Variants in DMPK observed in about 807,000 individuals in gnomAD.
The protein encoded by DMPK is DM1 protein kinase.
A neutral mutation model predicts 70.3 loss-of-function variants in DMPK; 32 were observed. The ratio of observed to expected loss-of-function variants is 0.46; its 90% CI spans 0.34 to 0.61. The LOEUF (loss-of-function observed/expected upper bound fraction) is 0.61, where lower values mean the gene tolerates loss of function less well. Among genes scored for constraint, DMPK ranks in the 20% least tolerant of loss-of-function variants. The probability of loss-of-function intolerance (pLI) is 0.01; values close to 1 mark genes in which losing one functional copy is unlikely to be tolerated. For synonymous variants in DMPK, 469 were observed against 390.9 expected (o/e 1.20, Z -2.36); for missense variants, 899 against 886.0 (o/e 1.01, Z -0.19).
chr19:45,780,278 A>G (rs1389473279), intron 1 of DMPK: 4 of 1,530,210 alleles, frequency 2.6e-6, no homozygotes, highest in Non-Finnish European at 3.5e-6. Context: ...GTTCTCATGT[A>G]GAATGTCCTG....
intron 9 of DMPK, among the ~76,000 whole-genome samples, chr19:45,774,262 CTTTTT>C (rs34551308): frequency 8.2e-6 from 1 of 122,090 alleles, no homozygotes; most frequent in Non-Finnish European, 1.7e-5. Context: ...TAAATAAATA[CTTTTT>C]TTTTTTTTTT....
rs1473174991 is a variant in DMPK at position 45,770,296 on chromosome 19, G to A, written c.*192C>T. The A allele has an allele frequency of 4.5e-6, 4 of 890,078 alleles. No homozygotes were observed. In the East Asian group the frequency reaches 8.1e-5, roughly 18 times the overall value. 55.1% of individuals were successfully genotyped at this position (890,078 alleles called of 1,614,324 possible). On this transcript the variant is annotated 3_prime_UTR_variant, in exon 15 of 15. Transcript: ENST00000291270. Reference sequence around the variant, plus strand: ...CGGCTACAAGGACCCTTCGAGCCCCGTTCGCCGGCCGCGGACCCGGCCCCT... The same window carrying A: ...CGGCTACAAGGACCCTTCGAGCCCCATTCGCCGGCCGCGGACCCGGCCCCT...
chr19:45,775,522 G>A (rs1969732397), intron 8 of DMPK, among the ~76,000 whole-genome samples: 1 of 95,268 alleles, frequency 1.0e-5, no homozygotes, highest in African/African-American at 3.6e-5. Context: ...GCCCAGTTCT[G>A]TTTTTTTTTT....
Position 45,782,460 on chromosome 19 carries a change from G to T in DMPK, c.-108C>A. The T allele has an allele frequency of 7.8e-7, 1 of 1,288,798 alleles. No individual in the cohort carries two copies. Among genetic ancestry groups the T allele is most frequent in the African/African-American group, 1.5e-5 (1 of 65,910 alleles). The allele number at this position is 1,288,798 out of a possible 1,614,324, so 79.8% of individuals were successfully genotyped here. A position where few individuals can be genotyped will look rare whatever the true frequency, so the allele number is the denominator to read the frequency against. On this transcript the variant is annotated 5_prime_UTR_variant, in exon 1 of 15. Coordinates refer to ENST00000291270, the MANE Select transcript of DMPK (RefSeq NM_004409.5). ...GCCCTGGAGCCCTGGCTGCATGTCT[G>T]CCTGTCCCTGGCTGTCCCCTGGGCC...
At chr19:45,772,881 G>A (rs1175333192) in intron 9 of DMPK, 129 bp from the exon 10 acceptor site, 1 of 518,974 alleles carries the variant, frequency 1.9e-6, no homozygotes, top group Non-Finnish European at 3.3e-6. Context: ...GGGAGCAGCA[G>A]AGCGAAGAGA....
chr19:45,774,236 G>A (rs1969646734), intron 9 of DMPK, among the ~76,000 whole-genome samples: 2 of 149,686 alleles, frequency 1.3e-5, no homozygotes, highest in African/African-American at 2.5e-5. Context: ...ACAGGCGTGA[G>A]CCACCACACC....
Position 45,772,626 on chromosome 19 carries a change from C to T in DMPK, c.1344+15G>A. The T allele has an allele frequency of 6.5e-7, 1 of 1,528,260 alleles. No individual in the cohort carries two copies. The highest frequency in any genetic ancestry group is 8.8e-7 in the Non-Finnish European group (1 of 1,135,790). 94.7% of individuals were successfully genotyped at this position (1,528,260 alleles called of 1,614,324 possible). On this transcript the variant is annotated intron_variant, in intron 10 of 14. Coordinates refer to ENST00000291270, the MANE Select transcript of DMPK (RefSeq NM_004409.5). ...CAATTGTCCCTGACGGACCCCCTCCCCTCCACCAACTTACTGTTTCATCCT... is the reference window on the plus strand; with the variant it reads ...CAATTGTCCCTGACGGACCCCCTCCTCTCCACCAACTTACTGTTTCATCCT...
rs1006131174 is a variant in DMPK, at chr19:45,777,923, C to T, written c.676-50G>A. 3 of 1,518,420 alleles carry T rather than the reference C, an allele frequency of 2.0e-6. No homozygotes were observed. The highest frequency in any genetic ancestry group is 2.7e-6 in the Non-Finnish European group (3 of 1,116,942). 94.1% of individuals were successfully genotyped at this position (1,518,420 alleles called of 1,614,324 possible). A position where few individuals can be genotyped will look rare whatever the true frequency, so the allele number is the denominator to read the frequency against. Reference sequence around the variant, plus strand: ...GCTTGGGCCCACCCCTCTGGGCCCACCAGCTCTGGGCCCTCCTTCCAACCA... The same window carrying T: ...GCTTGGGCCCACCCCTCTGGGCCCATCAGCTCTGGGCCCTCCTTCCAACCA... On this transcript the variant is annotated intron_variant, in intron 6 of 14. Transcript: ENST00000291270. This position sits in a 1 kb window ranked among gnomAD's most constrained non-coding sequence, Gnocchi z 6.7.
intron 13 of DMPK, 70 bp from the exon 14 acceptor site, chr19:45,771,130 C>T (rs1188771049): frequency 2.3e-6 from 3 of 1,287,718 alleles, no homozygotes; most frequent in African/African-American, 1.5e-5. Flanking sequence ...CGAGAGACAG[C>T]GAGGGGAATC....
Position 45,778,080 on chromosome 19 carries a change from C to T in DMPK, c.675+47G>A, listed in dbSNP as rs559293117. On this transcript the variant is annotated intron_variant, in intron 6 of 14. Coordinates refer to ENST00000291270, the MANE Select transcript of DMPK (RefSeq NM_004409.5). The stretch of plus-strand genomic sequence containing the variant: ...CGCTCCCACACTCTGTGCCTTCCAT[C>T]CCTCATCAGCAGCCCCAGTTGCTCT... 4.4e-5 allele frequency: 65 copies of T among 1,491,736 alleles called. No individual in the cohort carries two copies. The Middle Eastern group carries it at 1.7e-3, about 39-fold the overall frequency. 92.4% of individuals were successfully genotyped at this position (1,491,736 alleles called of 1,614,324 possible).
intron 10 of DMPK, 63 bp from the exon 11 acceptor site, chr19:45,771,991 T>C: frequency 6.7e-7 from 1 of 1,483,538 alleles, no homozygotes; most frequent in East Asian, 2.5e-5. Context: ...ACTTGGGCAC[T>C]GGTTCCAGGC....
rs1353124115 is a variant in DMPK, at chr19:45,771,843, T to C, written c.1430A>G (p.Glu477Gly). 6.3e-7 allele frequency: 1 copy of C among 1,576,332 alleles called. No individual in the cohort carries two copies. The highest frequency in any genetic ancestry group is 2.4e-5 in the East Asian group (1 of 42,402). Residue 477 changes from glutamate to glycine, a missense_variant, in exon 11 of 15, where the codon GAG becomes GGG. Coordinates refer to ENST00000291270, the MANE Select transcript of DMPK (RefSeq NM_004409.5). ...TLRELQEALE[E>G]EVLTRQSLSR... ...CAGGCTCTGCCGGGTGAGCACCTCC[T>C]CCTCCAGGGCTTCCTGGAGCTCCCG...
chr19:45,776,193 G>T (rs1969764152), intron 8 of DMPK, among the ~76,000 whole-genome samples: 1 of 85,260 alleles, frequency 1.2e-5, no homozygotes, highest in African/African-American at 4.1e-5. Flanking sequence ...GCCCAGGCTG[G>T]AGTGCAGTGG....
In DMPK at chr19:45,777,312, GCCACAGGTACCT is replaced by G. The variant is rs751537685; in HGVS notation, c.1146+3_1146+14del. The stretch of plus-strand genomic sequence containing the variant: ...GGGAGGTTCCCGCAGCCGAGCAGGG[GCCACAGGTACCT>G]ACCCCGCCCCCGCTCACCATGGCAG... On this transcript the variant is annotated splice_donor_5th_base_variant and intron_variant, in intron 8 of 14. Transcript: ENST00000291270. This position sits in a 1 kb window ranked among gnomAD's most constrained non-coding sequence, Gnocchi z 6.7. The G allele has an allele frequency of 1.4e-5, 22 of 1,549,044 alleles. No individual in the cohort carries two copies. The African/African-American group carries it at 3.0e-4, about 21-fold the overall frequency.
At chr19:45,778,684 C>T in intron 4 of DMPK, 43 bp from the exon 5 acceptor site, 1 of 1,597,650 alleles carries the variant, frequency 6.3e-7, no homozygotes. Context: ...TCCCCTGAGG[C>T]CCTGATCCAT....
chr19:45,777,317 A>G lies in DMPK; in HGVS notation c.1146+10T>C, dbSNP rs1969825526. ...GTTCCCGCAGCCGAGCAGGGGCCACAGGTACCTACCCCGCCCCCGCTCACC... is the reference window on the plus strand; with the variant it reads ...GTTCCCGCAGCCGAGCAGGGGCCACGGGTACCTACCCCGCCCCCGCTCACC... On this transcript the variant is annotated intron_variant, in intron 8 of 14. Transcript: ENST00000291270. The surrounding 1 kb of genome is among the most constrained non-coding windows in gnomAD (Gnocchi z 6.7). 3 of 1,552,408 alleles carry G rather than the reference A, an allele frequency of 1.9e-6. No individual in the cohort carries two copies. The highest frequency in any genetic ancestry group is 1.9e-5 in the Admixed American group (1 of 53,080).
chr19:45,772,970 A>C (rs1353865479), intron 9 of DMPK, among the ~76,000 whole-genome samples: 2 of 152,144 alleles, frequency 1.3e-5, no homozygotes, highest in Non-Finnish European at 2.9e-5. Context: ...GGCCCCTGGG[A>C]GCTGCTCTTT....
At chr19:45,780,455 C>G in intron 1 of DMPK, 1 of 1,253,990 alleles carries the variant, frequency 8.0e-7, no homozygotes, top group Non-Finnish European at 1.0e-6. Flanking sequence ...TCCGGTCCAG[C>G]CCATCTCTCA....
chr19:45,770,818 G>T, intron 14 of DMPK, 153 bp downstream of exon 14: 1 of 967,116 alleles, frequency 1.0e-6, no homozygotes, highest in Non-Finnish European at 1.5e-6. Flanking sequence ...ACTCGTCATT[G>T]GCTGCTTCCT....
Sources: allele counts gnomAD v4.1 joint callset (sites outside exome capture counted in the v4.1 genomes callset), GRCh38; gene constraint gnomAD v4.1.1; non-coding constraint Gnocchi (gnomAD v3.1); transcripts MANE v1.5; gene names NCBI Gene and HGNC (gene_info 2026-07-23, HGNC 2026-07-21).